The following NOL4 variants were observed in gnomAD, a reference collection of about 807,000 sequenced individuals.
NOL4 encodes nucleolar protein 4, also known as cancer/testis antigen 125.
Under a neutral mutation model 75.9 loss-of-function variants are expected in NOL4, and 17 were observed. The observed-to-expected ratio is 0.22, with a 90% CI of 0.15 to 0.34. The LOEUF (loss-of-function observed/expected upper bound fraction) is 0.34. Ranked by LOEUF, NOL4 falls within the 10% of genes least tolerant of loss-of-function variation. The pLI, the probability that NOL4 is intolerant of heterozygous loss-of-function variation, is 1.00. For synonymous variants in NOL4, 292 were observed against 289.9 expected, an observed-to-expected ratio of 1.01 and a Z score of -0.07; for missense variants, 614 against 793.5, an observed-to-expected ratio of 0.77 and a Z score of 2.72.
At chr18:34,126,179 G>T (rs2080379616) in intron 2 of NOL4, among the ~76,000 whole-genome samples, 1 of 152,178 alleles carries the variant, frequency 6.6e-6, no homozygotes, top group South Asian at 2.1e-4. Flanking sequence ...TTTACTATAT[G>T]CCGAGCACTT....
At chr18:34,139,730 G>A (rs553856611) in intron 1 of NOL4, among the ~76,000 whole-genome samples, 3 of 152,166 alleles carry the variant, frequency 2.0e-5, no homozygotes, top group African/African-American at 7.2e-5. Context: ...GCTTTTGAAT[G>A]TGTTTGCTCT....
At chr18:33,940,014 G>A (rs149866263) in intron 9 of NOL4, among the ~76,000 whole-genome samples, 24 of 152,062 alleles carry the variant, frequency 1.6e-4, no homozygotes, top group Middle Eastern at 3.4e-3. Flanking sequence ...ATCATCTCAC[G>A]CCAGTTAGAA....
At chr18:33,963,966 A>G (rs2145799773) in intron 6 of NOL4, among the ~76,000 whole-genome samples, 1 of 152,214 alleles carries the variant, frequency 6.6e-6, no homozygotes, top group East Asian at 1.9e-4. Context: ...AAAAAGGCGA[A>G]CCTGTGTTTC....
intron 6 of NOL4, among the ~76,000 whole-genome samples, chr18:33,988,834 CT>C (rs1365780271): frequency 1.3e-5 from 2 of 151,884 alleles, no homozygotes; most frequent in Non-Finnish European, 2.9e-5. Context: ...TACCTTCTTC[CT>C]TTTCTGCGGG....
chr18:34,049,157 T>C (rs2076523556), intron 5 of NOL4, among the ~76,000 whole-genome samples: 1 of 148,412 alleles, frequency 6.7e-6, no homozygotes, highest in African/African-American at 2.5e-5. Context: ...TCTGGAGCCT[T>C]GAGGTTTCAG....
intron 9 of NOL4, among the ~76,000 whole-genome samples, chr18:33,896,181 G>C (rs929518295): frequency 2.6e-5 from 4 of 152,122 alleles, no homozygotes; most frequent in African/African-American, 9.7e-5. Context: ...AACTTCTCAT[G>C]CTCATGAATA....
intron 6 of NOL4, among the ~76,000 whole-genome samples, chr18:34,017,523 C>G (rs1165283292): frequency 6.6e-6 from 1 of 152,080 alleles, no homozygotes; most frequent in Non-Finnish European, 1.5e-5. Flanking sequence ...ATTATTAGCT[C>G]TAGTACTCCT....
At chr18:33,911,542 G>T (rs1057468685) in intron 9 of NOL4, among the ~76,000 whole-genome samples, 5 of 151,972 alleles carry the variant, frequency 3.3e-5, no homozygotes, top group African/African-American at 9.7e-5. Context: ...TGTATCCCAG[G>T]AGTTCTTTTT....
chr18:34,055,658 GTT>G (rs983108302), intron 5 of NOL4, among the ~76,000 whole-genome samples: 1 of 152,064 alleles, frequency 6.6e-6, no homozygotes, highest in African/African-American at 2.4e-5. Flanking sequence ...AATTTGGGAA[GTT>G]TTTTGTCATT....
At chr18:34,135,398 A>G (rs1291549630) in intron 1 of NOL4, among the ~76,000 whole-genome samples, 1 of 152,126 alleles carries the variant, frequency 6.6e-6, no homozygotes, top group African/African-American at 2.4e-5. Flanking sequence ...CAAAATTAGT[A>G]ATTAAAAAAG....
intron 5 of NOL4, among the ~76,000 whole-genome samples, chr18:34,044,707 C>T (rs906825613): frequency 1.3e-5 from 2 of 152,120 alleles, no homozygotes; most frequent in Non-Finnish European, 2.9e-5. Flanking sequence ...TAATTAAATG[C>T]AATATATGCT....
chr18:33,988,486 C>T (rs2072652372), intron 6 of NOL4, among the ~76,000 whole-genome samples: 1 of 152,070 alleles, frequency 6.6e-6, no homozygotes, highest in Non-Finnish European at 1.5e-5. Flanking sequence ...TAAGAAGATG[C>T]AGGAGAGGTG....
chr18:33,961,542 A>G (rs946507942), intron 6 of NOL4, among the ~76,000 whole-genome samples: 3 of 152,108 alleles, frequency 2.0e-5, no homozygotes, highest in African/African-American at 7.2e-5. Context: ...GGCACTTCTC[A>G]GTCTCCATAA....
At chr18:34,080,198 C>T (rs1269608556) in intron 5 of NOL4, among the ~76,000 whole-genome samples, 2 of 152,188 alleles carry the variant, frequency 1.3e-5, no homozygotes, top group African/African-American at 2.4e-5. Flanking sequence ...GAAGCATTTG[C>T]AGCTCCTCCA....
At chr18:34,064,911 AT>A (rs2077204835) in intron 5 of NOL4, among the ~76,000 whole-genome samples, 1 of 118,960 alleles carries the variant, frequency 8.4e-6, no homozygotes, top group Admixed American at 9.7e-5. Context: ...TCCCTATGGT[AT>A]TTTTTAACAC....
chr18:34,172,036 G>A (rs1449206575), intron 1 of NOL4, among the ~76,000 whole-genome samples: 1 of 151,992 alleles, frequency 6.6e-6, no homozygotes, highest in East Asian at 1.9e-4. Context: ...ACCTCAAAAT[G>A]AGAACTTGAC....
intron 1 of NOL4, among the ~76,000 whole-genome samples, chr18:34,151,700 T>C (rs1241627788): frequency 2.0e-5 from 3 of 151,918 alleles, no homozygotes; most frequent in Non-Finnish European, 4.4e-5. Context: ...ATGTAAACTT[T>C]GGATTTTAAT....
rs577182594 is a variant in NOL4, at chr18:34,149,233, T to TA, written c.265-19214dup. ...TAATATTCATAGTGATTTTAATGATTAAAAATAGGTCAAAATATTTCTGGT... is the reference window on the plus strand; with the variant it reads ...TAATATTCATAGTGATTTTAATGATTAAAAAATAGGTCAAAATATTTCTGGT... On this transcript the variant is annotated intron_variant, in intron 1 of 10. Transcript: ENST00000261592. Among the ~76,000 whole-genome samples the TA allele has an allele frequency of 4.6e-5, 7 of 151,758 alleles. No homozygotes were observed. The South Asian group carries it at 1.5e-3, about 31-fold the overall frequency.
intron 5 of NOL4, among the ~76,000 whole-genome samples, chr18:34,061,877 C>T (rs1371009881): frequency 2.0e-5 from 3 of 151,978 alleles, no homozygotes; most frequent in African/African-American, 7.2e-5. Flanking sequence ...AGTCAGTAGG[C>T]AGTTAACAAT....
Sources: gnomAD v4.1 joint callset for allele counts (sites outside exome capture counted in the v4.1 genomes callset) on GRCh38, gnomAD v4.1.1 for gene constraint, MANE v1.5 for transcripts, NCBI Gene and HGNC (gene_info 2026-07-23, HGNC 2026-07-21) for gene names.